PCDHGB5: variants seen among roughly 807,000 people sequenced by gnomAD.
PCDHGB5 encodes protocadherin gamma-B5.
In PCDHGB5, 48 loss-of-function variants were observed where a neutral mutation model predicts 62.9. The observed-to-expected ratio is 0.76, with a 90% CI of 0.61 to 0.97. The LOEUF is 0.97. Among genes scored for constraint, PCDHGB5 ranks in the 50% least tolerant of loss-of-function variants. PCDHGB5 has a pLI of 0.00. For missense variants in PCDHGB5, 1,118 were observed against 1,198.6 expected (o/e 0.93, Z 0.99); for synonymous variants, 474 against 511.2 (o/e 0.93, Z 0.98).
chr5:141,451,682 G>GA (rs1401536376), intron 1 of PCDHGB5, among the ~76,000 whole-genome samples: 1 of 152,128 alleles, frequency 6.6e-6, no homozygotes, highest in Non-Finnish European at 1.5e-5. Flanking sequence ...AGGAGTTCAA[G>GA]ACCAGCCTGG....
At chr5:141,481,813 G>C (rs185558948) in intron 1 of PCDHGB5, among the ~76,000 whole-genome samples, 1 of 151,824 alleles carries the variant, frequency 6.6e-6, no homozygotes, top group African/African-American at 2.4e-5. Flanking sequence ...TTCACCAGGC[G>C]TGGTGGCTGA....
chr5:141,406,307 T>C (rs2094791462), intron 1 of PCDHGB5, among the ~76,000 whole-genome samples: 1 of 152,088 alleles, frequency 6.6e-6, no homozygotes, highest in African/African-American at 2.4e-5. Flanking sequence ...GTGAACCACC[T>C]CACCCAGCAA....
At chr5:141,404,602 G>C (rs749746083) in intron 1 of PCDHGB5, 2 of 1,614,076 alleles carry the variant, frequency 1.2e-6, no homozygotes, top group Admixed American at 1.7e-5. Flanking sequence ...CATTGAGACT[G>C]TTTGTTTTGG....
Position 141,477,020 on chromosome 5 carries a change from G to C in PCDHGB5, c.2398-17787G>C, listed in dbSNP as rs1383192345. The C allele has an allele frequency of 6.2e-7, 1 of 1,614,224 alleles. No homozygotes were observed. The highest frequency in any genetic ancestry group is 8.5e-7 in the Non-Finnish European group (1 of 1,180,048). On this transcript the variant is annotated intron_variant, in intron 1 of 3. Coordinates refer to ENST00000617380, the MANE Select transcript of PCDHGB5 (RefSeq NM_018925.3). The surrounding 1 kb of genome is among the most constrained non-coding windows in gnomAD (Gnocchi z 4.9). ...ACTATTCGCCTTAGACCTTGTAACC[G>C]GGATGCTGACAATCAAGGGTCGGCT...
At chr5:141,458,386 G>A (rs1037969327) in intron 1 of PCDHGB5, among the ~76,000 whole-genome samples, 3 of 152,188 alleles carry the variant, frequency 2.0e-5, no homozygotes, top group African/African-American at 4.8e-5. Context: ...GAAGGAAGAC[G>A]CTCCCCCTTG....
At chr5:141,433,655 G>T (rs1227358856) in intron 1 of PCDHGB5, among the ~76,000 whole-genome samples, 2 of 152,036 alleles carry the variant, frequency 1.3e-5, no homozygotes, top group Non-Finnish European at 1.5e-5. Flanking sequence ...GACCAACATG[G>T]AGAAACCCCG....
In PCDHGB5 at chr5:141,399,435, A is replaced by G. The variant is rs568070353; in HGVS notation, c.1308A>G (p.Leu436=). ...TCTCCTCCAGCATAAGCGTCATCCT[A>G]CATATCAGAGACGTCAACGATAACG... The part of the protein sequence containing the change: ...PPLSSSISVI[L]HIRDVNDNAP... Residue 436 remains leucine (L), a synonymous_variant, in exon 1 of 4, where the codon CTA becomes CTG. Transcript: ENST00000617380. 1.2e-5 allele frequency: 20 copies of G among 1,613,972 alleles called. No individual in the cohort carries two copies. The highest frequency in any genetic ancestry group is 9.3e-5 in the African/African-American group (7 of 75,052).
chr5:141,466,674 T>C (rs2099127051), intron 1 of PCDHGB5, among the ~76,000 whole-genome samples: 1 of 152,222 alleles, frequency 6.6e-6, no homozygotes, highest in South Asian at 2.1e-4. Flanking sequence ...TTCACCGTTC[T>C]TCCACTCAAG....
chr5:141,446,138 T>C (rs1254949926), intron 1 of PCDHGB5, among the ~76,000 whole-genome samples: 1 of 152,208 alleles, frequency 6.6e-6, no homozygotes, highest in African/African-American at 2.4e-5. Context: ...GACTTAATAA[T>C]GGAATAGGTG....
rs751024373 is a variant in PCDHGB5, at chr5:141,491,801, G to A, written c.2398-3006G>A. On this transcript the variant is annotated intron_variant, in intron 1 of 3. Coordinates refer to ENST00000617380, the MANE Select transcript of PCDHGB5 (RefSeq NM_018925.3). The surrounding 1 kb of genome is among the most constrained non-coding windows in gnomAD (Gnocchi z 6.9). ...AACTTGCATCCACTCCTCTCCGGCC[G>A]GCTTGGTCGCTGGCTGCGCTCCACC... 2.7e-6 allele frequency: 4 copies of A among 1,500,726 alleles called. No homozygotes were observed. The Admixed American group carries it at 7.3e-5, about 28-fold the overall frequency. 93.0% of individuals were successfully genotyped at this position (1,500,726 alleles called of 1,614,324 possible). A position where few individuals can be genotyped will look rare whatever the true frequency, so the allele number is the denominator to read the frequency against.
At chr5:141,458,891 G>A (rs775720263) in intron 1 of PCDHGB5, among the ~76,000 whole-genome samples, 10 of 151,976 alleles carry the variant, frequency 6.6e-5, no homozygotes, top group South Asian at 2.1e-4. Context: ...CACACCATGC[G>A]CAGCTAATTT....
intron 2 of PCDHGB5, among the ~76,000 whole-genome samples, chr5:141,498,889 C>T (rs1415870992): frequency 3.4e-5 from 5 of 146,174 alleles, no homozygotes; most frequent in African/African-American, 1.3e-4. Flanking sequence ...GCTGAGATCA[C>T]ACCACTGCAC....
intron 1 of PCDHGB5, chr5:141,404,463 A>C: frequency 6.2e-7 from 1 of 1,612,548 alleles, no homozygotes. Flanking sequence ...CTCTCCACCT[A>C]TGTCTCTATT....
rs962794399 is a variant in PCDHGB5, at chr5:141,449,958, AT to A, written c.2398-44841del. Among the ~76,000 whole-genome samples, 332 of 148,828 alleles carry A rather than the reference AT, an allele frequency of 2.2e-3. 1 individual carries two copies. The highest frequency in any genetic ancestry group is 6.8e-3 in the Admixed American group (101 of 14,904). Reference sequence around the variant, plus strand: ...GTATATTTTACTATACCTCATAGTAATTTTTTTTAGTCCAAAATATCACACA... The same window carrying A: ...GTATATTTTACTATACCTCATAGTAATTTTTTTAGTCCAAAATATCACACA... On this transcript the variant is annotated intron_variant, in intron 1 of 3. Coordinates refer to ENST00000617380, the MANE Select transcript of PCDHGB5 (RefSeq NM_018925.3).
chr5:141,506,896 T>C (rs1417106112), intron 3 of PCDHGB5, among the ~76,000 whole-genome samples: 3 of 152,158 alleles, frequency 2.0e-5, no homozygotes, highest in African/African-American at 7.2e-5. Flanking sequence ...CAAGAAGCAC[T>C]GTCATCACAC....
rs115565444 is a variant in PCDHGB5 at position 141,487,520 on chromosome 5, G to C, written c.2398-7287G>C. 1 of 1,614,166 alleles carries C rather than the reference G, an allele frequency of 6.2e-7. No individual in the cohort carries two copies. Among genetic ancestry groups the C allele is most frequent in the Non-Finnish European group, 8.5e-7 (1 of 1,180,042 alleles). ...CTTGGCTTCTGCACCCACTCGGAGT[G>C]ATAGCTTCATGATGGTGAAGTCACC... On this transcript the variant is annotated intron_variant, in intron 1 of 3. Coordinates refer to ENST00000617380, the MANE Select transcript of PCDHGB5 (RefSeq NM_018925.3). The surrounding 1 kb of genome is among the most constrained non-coding windows in gnomAD (Gnocchi z 5.0).
chr5:141,404,325 C>G (rs762306578), intron 1 of PCDHGB5: 7 of 1,613,876 alleles, frequency 4.3e-6, no homozygotes, highest in Non-Finnish European at 5.9e-6. Flanking sequence ...GCCTCCTACT[C>G]AGTCTACCTC....
intron 3 of PCDHGB5, among the ~76,000 whole-genome samples, chr5:141,508,533 C>A (rs1396219805): frequency 6.6e-6 from 1 of 152,160 alleles, no homozygotes; most frequent in Non-Finnish European, 1.5e-5. Flanking sequence ...CAGGGCACCC[C>A]CCACGAGGTG....
intron 1 of PCDHGB5, chr5:141,417,759 C>T: frequency 7.0e-7 from 1 of 1,437,100 alleles, no homozygotes; most frequent in South Asian, 1.5e-5. Flanking sequence ...AGCTCCGAGA[C>T]CCGGGACTCC....
Sources: allele counts gnomAD v4.1 joint callset (sites outside exome capture counted in the v4.1 genomes callset), GRCh38; gene constraint gnomAD v4.1.1; non-coding constraint Gnocchi (gnomAD v3.1); transcripts MANE v1.5; gene names NCBI Gene and HGNC (gene_info 2026-07-23, HGNC 2026-07-21).